Variants in IL23R observed in about 807,000 individuals in gnomAD.
The protein encoded by IL23R is interleukin 23 receptor.
A neutral mutation model predicts 56.9 loss-of-function variants in IL23R; 34 were observed. That is an observed-to-expected ratio of 0.60 (90% CI 0.45 to 0.80). IL23R has a LOEUF of 0.80. IL23R is among the 30% of genes least tolerant of loss of function. The pLI is 0.00. For synonymous variants in IL23R, 230 were observed against 249.2 expected (o/e 0.92, Z 0.73); for missense variants, 635 against 730.0 (o/e 0.87, Z 1.50).
chr1:67,222,397 G>A (rs761709536), intron 7 of IL23R, among the ~76,000 whole-genome samples: 3 of 152,094 alleles, frequency 2.0e-5, no homozygotes, highest in Non-Finnish European at 2.9e-5. Context: ...GATTACAGGC[G>A]TGAGCCATGG....
chr1:67,157,028 G>A (rs954956922), intron 1 of IL23R, among the ~76,000 whole-genome samples: 5 of 152,132 alleles, frequency 3.3e-5, no homozygotes, highest in African/African-American at 4.8e-5. Context: ...GTCCCTTACC[G>A]CTTCACTTGG....
chr1:67,155,199 C>G (rs961002739), intron 1 of IL23R, among the ~76,000 whole-genome samples: 1 of 152,110 alleles, frequency 6.6e-6, no homozygotes, highest in Admixed American at 6.6e-5. Flanking sequence ...GTGACCTGGC[C>G]TTTCTCTCTG....
intron 3 of IL23R, among the ~76,000 whole-genome samples, chr1:67,170,462 A>G (rs1646929436): frequency 6.6e-6 from 1 of 152,196 alleles, no homozygotes; most frequent in Non-Finnish European, 1.5e-5. Flanking sequence ...TAATTTATTT[A>G]AAAGCTTAGT....
chr1:67,187,515 GTA>G (rs1432073489), intron 4 of IL23R, among the ~76,000 whole-genome samples: 1 of 151,860 alleles, frequency 6.6e-6, no homozygotes, highest in East Asian at 1.9e-4. Context: ...TCAAAATTAT[GTA>G]TGTTTACATT....
intron 6 of IL23R, 67 bp downstream of exon 6, chr1:67,207,122 A>G (rs767317663): frequency 7.0e-6 from 10 of 1,429,124 alleles, no homozygotes; most frequent in Admixed American, 3.3e-5. Flanking sequence ...ATCAGTGGCT[A>G]CAGTGGACTT....
chr1:67,144,865 T>C (rs973244897), intron 1 of IL23R, among the ~76,000 whole-genome samples: 1 of 152,210 alleles, frequency 6.6e-6, no homozygotes, highest in African/African-American at 2.4e-5. Flanking sequence ...TATTTCTCAC[T>C]CTGATCTATC....
chr1:67,262,177 G>C (rs1312177688), downstream of IL23R, among the ~76,000 whole-genome samples: 1 of 152,088 alleles, frequency 6.6e-6, no homozygotes, highest in Middle Eastern at 3.2e-3. Flanking sequence ...TGTTATATGT[G>C]CAAGGCCATT....
At chr1:67,239,763 A>T (rs1162089186) in intron 8 of IL23R, among the ~76,000 whole-genome samples, 1 of 152,212 alleles carries the variant, frequency 6.6e-6, no homozygotes, top group Non-Finnish European at 1.5e-5. Context: ...AATTGCACAC[A>T]TTCTATCTCA....
intron 1 of IL23R, among the ~76,000 whole-genome samples, chr1:67,167,885 C>T (rs973232959): frequency 4.6e-5 from 7 of 152,126 alleles, no homozygotes; most frequent in Non-Finnish European, 1.0e-4. Flanking sequence ...ATTTGCTTTA[C>T]TTCTCCATCT....
intron 8 of IL23R, among the ~76,000 whole-genome samples, chr1:67,237,595 T>C (rs1007361626): frequency 7.2e-5 from 11 of 152,246 alleles, no homozygotes; most frequent in Non-Finnish European, 1.5e-4. Context: ...TCCTGGAGTC[T>C]ATTGTCTTTC....
chr1:67,236,185 T>C (rs1046192335), intron 7 of IL23R, among the ~76,000 whole-genome samples: 2 of 152,226 alleles, frequency 1.3e-5, no homozygotes, highest in East Asian at 3.8e-4. Context: ...AGAGAAGTCA[T>C]TGGTGACATC....
At position 67,240,217 on chromosome 1, in the gene IL23R, G is replaced by A. The variant is rs41313262; in HGVS notation, c.1084G>A (p.Val362Ile). 20,016 of 1,612,506 alleles carry A rather than the reference G, an allele frequency of 0.012. 171 individuals are homozygous for A. Among genetic ancestry groups the A allele is most frequent in the Middle Eastern group, 0.016 (94 of 6,042 alleles). ...CATTGGACTTTTATTGGGAATGATC[G>A]TCTTTGCTGTTATGTTGTCAATTCT... is the stretch of plus-strand genomic sequence containing the variant. ...GDIGLLLGMI[V>I]FAVMLSILSL... is the part of the protein sequence containing the mutation. Residue 362 changes from valine to isoleucine, a missense_variant, in exon 9 of 11, where the codon GTC becomes ATC. Transcript: ENST00000347310.
At chr1:67,227,964 TTC>T (rs1650755476) in intron 7 of IL23R, among the ~76,000 whole-genome samples, 7 of 58,324 alleles carry the variant, frequency 1.2e-4, no homozygotes, top group African/African-American at 4.6e-4. Flanking sequence ...CTTTCTTTCT[TTC>T]TTTCTTTCTT....
chr1:67,185,969 G>A (rs547268925), intron 4 of IL23R, among the ~76,000 whole-genome samples: 23 of 152,176 alleles, frequency 1.5e-4, no homozygotes, highest in Non-Finnish European at 2.8e-4. Context: ...TACAGATGGC[G>A]TGGGGAGCTC....
At chr1:67,196,939 A>T (rs10489630) in intron 4 of IL23R, among the ~76,000 whole-genome samples, 1 of 152,014 alleles carries the variant, frequency 6.6e-6, no homozygotes, top group Admixed American at 6.6e-5. Flanking sequence ...TTTAGTTGTC[A>T]GTTTTCTATA....
chr1:67,244,355 T>G (rs190510584), intron 9 of IL23R, among the ~76,000 whole-genome samples: 7 of 152,208 alleles, frequency 4.6e-5, no homozygotes, highest in African/African-American at 1.7e-4. Context: ...GTTGCCATTG[T>G]TTTTAGTGTT....
At chr1:67,239,481 T>C (rs2100325731) in intron 8 of IL23R, among the ~76,000 whole-genome samples, 1 of 152,290 alleles carries the variant, frequency 6.6e-6, no homozygotes, top group South Asian at 2.1e-4. Context: ...CCCAGGTTGG[T>C]CTCAAACTTC....
chr1:67,226,704 G>GGT (rs891184307), intron 7 of IL23R, among the ~76,000 whole-genome samples: 3 of 152,106 alleles, frequency 2.0e-5, no homozygotes, highest in African/African-American at 7.2e-5. Flanking sequence ...CAAGCTTGAG[G>GGT]GTGGGACCTC....
chr1:67,249,708 T>C (rs1652491532), intron 9 of IL23R, among the ~76,000 whole-genome samples: 1 of 152,184 alleles, frequency 6.6e-6, no homozygotes, highest in Non-Finnish European at 1.5e-5. Flanking sequence ...AAGGGCCCTC[T>C]GTAGCATCCA....
Sources: gnomAD v4.1 joint callset for allele counts (sites outside exome capture counted in the v4.1 genomes callset) on GRCh38, gnomAD v4.1.1 for gene constraint, MANE v1.5 for transcripts, NCBI Gene and HGNC (gene_info 2026-07-23, HGNC 2026-07-21) for gene names.